Variants in TEX10 observed in about 807,000 individuals in gnomAD.
The protein encoded by TEX10 is testis expressed 10, also known as testis-expressed protein 10.
TEX10 carries 24 observed loss-of-function variants against 104.4 expected under a neutral mutation model. The ratio of observed to expected loss-of-function variants is 0.23; its 90% confidence interval spans 0.17 to 0.32. The LOEUF (loss-of-function observed/expected upper bound fraction) is 0.32, where lower values mean the gene tolerates loss of function less well. TEX10 is among the 10% of genes least tolerant of loss of function. The probability of loss-of-function intolerance (pLI) is 1.00; values close to 1 mark genes in which losing one functional copy is unlikely to be tolerated. For synonymous variants in TEX10, 396 were observed against 393.4 expected (o/e 1.01, Z -0.08); for missense variants, 921 against 1,083.9 (o/e 0.85, Z 2.11).
intron 1 of TEX10, chr9:100,352,410 C>A (rs1189098258): frequency 1.3e-6 from 2 of 1,551,644 alleles, no homozygotes; most frequent in Non-Finnish European, 1.7e-6. Flanking sequence ...ATCCCAGAGG[C>A]GAACACACCA....
At chr9:100,304,012 C>A in intron 13 of TEX10, 170 bp from the exon 14 acceptor site, 1 of 637,280 alleles carries the variant, frequency 1.6e-6, no homozygotes, top group Non-Finnish European at 2.8e-6. Flanking sequence ...CACACACACA[C>A]ACTAAATACC....
intron 13 of TEX10, chr9:100,304,535 T>C (rs930536399): frequency 1.3e-5 from 2 of 152,198 alleles, no homozygotes; most frequent in African/African-American, 4.8e-5. Flanking sequence ...TGTAGAAGAA[T>C]AAAAATGGAT....
intron 9 of TEX10, 104 bp downstream of exon 9, chr9:100,326,198 G>GA: frequency 8.4e-7 from 1 of 1,185,852 alleles, no homozygotes; most frequent in South Asian, 1.6e-5. Context: ...AAGAGTAAAT[G>GA]AAAGTAGTGT....
intron 14 of TEX10, among the ~76,000 whole-genome samples, chr9:100,302,933 C>CT (rs201752454): frequency 2.1e-5 from 3 of 145,664 alleles, no homozygotes; most frequent in African/African-American, 7.6e-5. Context: ...TAACCGCCCC[C>CT]CCCCCAAACT....
intron 11 of TEX10, among the ~76,000 whole-genome samples, chr9:100,315,675 G>C (rs1834398167): frequency 6.6e-6 from 1 of 151,962 alleles, no homozygotes. Flanking sequence ...AGTACTTTTT[G>C]GCTTTCAGGG....
chr9:100,352,931 C>G lies in TEX10; in HGVS notation c.-169G>C. ...ACGCGGCCGCGTCTCCTTCCGCCGC[C>G]CGGAAATCAGGGCCCCTCCCCCTCC... On this transcript the variant is annotated 5_prime_UTR_variant, in exon 1 of 15. Coordinates refer to ENST00000374902, the MANE Select transcript of TEX10 (RefSeq NM_017746.4). The G allele has an allele frequency of 1.0e-6, 1 of 991,608 alleles. No homozygotes were observed. Among genetic ancestry groups the G allele is most frequent in the Non-Finnish European group, 1.2e-6 (1 of 834,602 alleles). 61.4% of individuals were successfully genotyped at this position (991,608 alleles called of 1,614,324 possible). A position where few individuals can be genotyped will look rare whatever the true frequency, so the allele number is the denominator to read the frequency against.
chr9:100,338,750 G>A (rs1383249373), intron 5 of TEX10, among the ~76,000 whole-genome samples: 1 of 152,018 alleles, frequency 6.6e-6, no homozygotes, highest in Non-Finnish European at 1.5e-5. Context: ...AAATTAGCCA[G>A]GCGTGGTGGT....
chr9:100,317,333 A>G (rs1467895020), intron 11 of TEX10, among the ~76,000 whole-genome samples: 10 of 152,194 alleles, frequency 6.6e-5, no homozygotes, highest in Admixed American at 5.9e-4. Context: ...AGAACCAAAA[A>G]TAACAGCACA....
At chr9:100,329,015 C>G in intron 7 of TEX10, 125 bp downstream of exon 7, 1 of 1,084,154 alleles carries the variant, frequency 9.2e-7, no homozygotes, top group Non-Finnish European at 1.3e-6. Context: ...TTCTTAAATG[C>G]AAACAAGTAG....
At chr9:100,315,325 C>T (rs1392044591) in intron 11 of TEX10, among the ~76,000 whole-genome samples, 1 of 152,002 alleles carries the variant, frequency 6.6e-6, no homozygotes, top group African/African-American at 2.4e-5. Flanking sequence ...TTTTCTTTCT[C>T]GATGATCTAA....
intron 11 of TEX10, among the ~76,000 whole-genome samples, chr9:100,319,421 T>C (rs1350423005): frequency 6.7e-6 from 1 of 148,452 alleles, no homozygotes; most frequent in African/African-American, 2.5e-5. Context: ...AATACTATTA[T>C]GGTTATTTAA....
At chr9:100,346,036 T>C (rs758944400) in intron 4 of TEX10, 36 bp downstream of exon 4, 58 of 1,576,874 alleles carry the variant, frequency 3.7e-5, no homozygotes, top group Non-Finnish European at 4.9e-5. Flanking sequence ...TAAAAGGCTA[T>C]TAATACTAAG....
intron 13 of TEX10, chr9:100,305,664 G>A (rs944324644): frequency 6.6e-6 from 1 of 152,070 alleles, no homozygotes; most frequent in Non-Finnish European, 1.5e-5. Flanking sequence ...AAACCTCTAG[G>A]TGAAAGAAAC....
rs547727211 is a variant in TEX10 at position 100,352,864 on chromosome 9, G to A, written c.-102C>T. The A allele has an allele frequency of 1.5e-4, 148 of 1,004,486 alleles. No homozygotes were observed. Among genetic ancestry groups the A allele is most frequent in the Non-Finnish European group, 1.6e-4 (138 of 843,556 alleles). The allele number at this position is 1,004,486 out of a possible 1,614,324, so 62.2% of individuals were successfully genotyped here. On this transcript the variant is annotated 5_prime_UTR_variant, in exon 1 of 15. Coordinates refer to ENST00000374902, the MANE Select transcript of TEX10 (RefSeq NM_017746.4). Reference sequence around the variant, plus strand: ...GCAACAGCGTGCGCCGCCGACCTCAGGCTCTAGCTCCCGGAGCGTGTTTTC... The same window carrying A: ...GCAACAGCGTGCGCCGCCGACCTCAAGCTCTAGCTCCCGGAGCGTGTTTTC...
At position 100,310,455 on chromosome 9, in the gene TEX10, T is replaced by C. The variant is rs951971564; in HGVS notation, c.2203-76A>G. The stretch of plus-strand genomic sequence containing the variant: ...AAACAAGTTCAACAGATTCTTTTTT[T>C]TGAGACAGAGTTTCACTCTGTCGCC... On this transcript the variant is annotated intron_variant, in intron 11 of 14. Transcript: ENST00000374902. 1.0e-5 allele frequency: 14 copies of C among 1,366,912 alleles called. No homozygotes were observed. The African/African-American group carries it at 1.2e-4, about 11-fold the overall frequency. 84.7% of individuals were successfully genotyped at this position (1,366,912 alleles called of 1,614,324 possible). A position where few individuals can be genotyped will look rare whatever the true frequency, so the allele number is the denominator to read the frequency against.
intron 5 of TEX10, among the ~76,000 whole-genome samples, chr9:100,337,974 A>C (rs1277274032): frequency 6.6e-6 from 1 of 152,152 alleles, no homozygotes; most frequent in Admixed American, 6.5e-5. Flanking sequence ...TACATATGTA[A>C]ATATACACAT....
At chr9:100,334,762 T>C (rs1206816289) in intron 5 of TEX10, among the ~76,000 whole-genome samples, 1 of 151,988 alleles carries the variant, frequency 6.6e-6, no homozygotes, top group East Asian at 1.9e-4. Flanking sequence ...CCTCTGGGCT[T>C]CAAGTGATTC....
In TEX10 at chr9:100,302,094, G is replaced by T; in HGVS notation, c.*97C>A. The T allele has an allele frequency of 1.4e-6, 1 of 714,326 alleles. No individual in the cohort carries two copies. The allele number at this position is 714,326 out of a possible 1,614,324, so 44.2% of individuals were successfully genotyped here. On this transcript the variant is annotated 3_prime_UTR_variant, in exon 15 of 15. Coordinates refer to ENST00000374902, the MANE Select transcript of TEX10 (RefSeq NM_017746.4). ...AGAAGGTTCGTAAACTTCTTTAAAA[G>T]TTCAGCTTTAATGACAAAGATCTAT...
At chr9:100,305,962 C>G (rs1426709572) in intron 13 of TEX10, 1 of 152,138 alleles carries the variant, frequency 6.6e-6, no homozygotes, top group Non-Finnish European at 1.5e-5. Context: ...TCAACTTGCT[C>G]CCTAAAATAA....
Sources: gnomAD v4.1 joint callset for allele counts (sites outside exome capture counted in the v4.1 genomes callset) on GRCh38, gnomAD v4.1.1 for gene constraint, MANE v1.5 for transcripts, NCBI Gene and HGNC (gene_info 2026-07-23, HGNC 2026-07-21) for gene names.